Variants in EAF2 observed in about 807,000 individuals in gnomAD.
EAF2 encodes ELL associated factor 2.
In EAF2, 29 loss-of-function variants were observed where a neutral mutation model predicts 29.4. The observed-to-expected ratio is 0.99, with a 90% CI of 0.73 to 1.35. The LOEUF (loss-of-function observed/expected upper bound fraction) is 1.35, where lower values mean the gene tolerates loss of function less well. Ranked by LOEUF, EAF2 falls within the 40% of genes most tolerant of loss-of-function variation. The pLI is 0.00. For synonymous variants in EAF2, 103 were observed against 102.5 expected (o/e 1.00, Z -0.03); for missense variants, 292 against 312.0 (o/e 0.94, Z 0.48).
intron 4 of EAF2, among the ~76,000 whole-genome samples, chr3:121,867,657 A>G (rs1708949278): frequency 6.6e-6 from 1 of 152,244 alleles, no homozygotes; most frequent in East Asian, 1.9e-4. Context: ...TCATTCAGAC[A>G]GAAGAGAAAC....
chr3:121,882,560 A>T (rs1424099617), intron 5 of EAF2, among the ~76,000 whole-genome samples: 3 of 152,050 alleles, frequency 2.0e-5, no homozygotes, highest in Non-Finnish European at 4.4e-5. Flanking sequence ...ATTTGCTAGC[A>T]AATACAATAA....
intron 1 of EAF2, chr3:121,836,747 C>T: frequency 5.1e-6 from 5 of 987,618 alleles, no homozygotes; most frequent in Non-Finnish European, 6.0e-6. Flanking sequence ...TTTTTCCATG[C>T]CTTTTTCTCA....
At chr3:121,843,375 T>A (rs1458829504) in intron 1 of EAF2, among the ~76,000 whole-genome samples, 2 of 152,210 alleles carry the variant, frequency 1.3e-5, no homozygotes, top group Admixed American at 1.3e-4. Context: ...TACTTTGGAT[T>A]TAGACTTTCT....
intron 5 of EAF2, among the ~76,000 whole-genome samples, chr3:121,881,745 A>G (rs1029750983): frequency 6.6e-6 from 1 of 152,140 alleles, no homozygotes; most frequent in Admixed American, 6.5e-5. Flanking sequence ...TCCTGAGCTC[A>G]GGCAATCCAC....
In EAF2 at chr3:121,857,039, C is replaced by G. The variant is rs777157009; in HGVS notation, c.367C>G (p.Arg123Gly). 6 of 1,613,114 alleles carry G rather than the reference C, an allele frequency of 3.7e-6. No homozygotes were observed. The highest frequency in any genetic ancestry group is 1.3e-5 in the African/African-American group (1 of 74,978). The change falls in exon 4 of 6, where the codon CGT becomes GGT. Residue 123 changes from arginine to glycine, a missense_variant. Physicochemically the swap from Arg to Gly is moderately radical, Grantham distance 125. Transcript: ENST00000273668. ...TGAAGGAAGCAGTAAAATTCAGTAT[C>G]GTAAAGAACAACAGCAACAACAAAT... ...RVEGSSKIQYRKEQQQQQMWN... is the reference protein window; with the variant it reads ...RVEGSSKIQYGKEQQQQQMWN...
chr3:121,836,830 C>G (rs1405924279), intron 1 of EAF2: 3 of 971,952 alleles, frequency 3.1e-6, no homozygotes, highest in Non-Finnish European at 3.7e-6. Context: ...TTTCAAGTTA[C>G]AAGGGCTTAA....
intron 5 of EAF2, among the ~76,000 whole-genome samples, chr3:121,877,128 A>G (rs1576656921): frequency 6.6e-6 from 1 of 152,160 alleles, no homozygotes; most frequent in African/African-American, 2.4e-5. Flanking sequence ...TTGGTAAATT[A>G]TGAGAAAATG....
chr3:121,880,255 T>C (rs1709170448), intron 5 of EAF2, among the ~76,000 whole-genome samples: 1 of 151,650 alleles, frequency 6.6e-6, no homozygotes, highest in Non-Finnish European at 1.5e-5. Context: ...TGATCTTCCC[T>C]CCCCAGGCTC....
chr3:121,880,825 G>A (rs529562672), intron 5 of EAF2, among the ~76,000 whole-genome samples: 4 of 152,076 alleles, frequency 2.6e-5, no homozygotes, highest in Non-Finnish European at 4.4e-5. Flanking sequence ...AAAAGCTTTC[G>A]GCTTTTCCCC....
At chr3:121,886,305 T>C in intron 5 of EAF2, 37 bp from the exon 6 acceptor site, 2 of 1,328,730 alleles carry the variant, frequency 1.5e-6, no homozygotes, top group Non-Finnish European at 2.0e-6. Flanking sequence ...ATTAAATATT[T>C]AATTACTACA....
intron 1 of EAF2, among the ~76,000 whole-genome samples, chr3:121,843,572 G>T (rs911392619): frequency 1.3e-5 from 2 of 152,066 alleles, no homozygotes. Context: ...TTAATAAGGA[G>T]CTAATGTATA....
Position 121,872,765 on chromosome 3 carries a change from G to A in EAF2, c.713G>A (p.Ser238Asn), listed in dbSNP as rs1709038617. 6.2e-7 allele frequency: 1 copy of A among 1,611,850 alleles called. No individual in the cohort carries two copies. Among genetic ancestry groups the A allele is most frequent in the Non-Finnish European group, 8.5e-7 (1 of 1,178,728 alleles). ...DASHNRFRDN[S>N]GLLMNTLRND... ...AGTCATAATAGATTTCGAGACAACA[G>A]TGGCCTTCTGATGAATACTTTAAGT... Residue 238 changes from serine (S) to asparagine (N), a missense_variant, in exon 5 of 6, where the codon AGT (serine) becomes AAT (asparagine). Transcript: ENST00000273668.
intron 3 of EAF2, 38 bp downstream of exon 3, chr3:121,854,861 A>G (rs778746779): frequency 1.4e-5 from 21 of 1,474,440 alleles, no homozygotes; most frequent in Non-Finnish European, 1.8e-5. Flanking sequence ...TTATAAACAT[A>G]AATTTCTAAG....
chr3:121,838,040 C>T (rs1483884915), intron 1 of EAF2, among the ~76,000 whole-genome samples: 1 of 152,084 alleles, frequency 6.6e-6, no homozygotes, highest in East Asian at 1.9e-4. Context: ...TGGTTGAATT[C>T]ATTCAAATCC....
intron 4 of EAF2, among the ~76,000 whole-genome samples, chr3:121,860,436 G>A (rs913377008): frequency 2.6e-5 from 4 of 152,004 alleles, no homozygotes; most frequent in South Asian, 2.1e-4. Flanking sequence ...ATTTCTTCTC[G>A]ATTTTCTAGT....
chr3:121,866,421 T>A (rs1478567314), intron 4 of EAF2, among the ~76,000 whole-genome samples: 2 of 152,054 alleles, frequency 1.3e-5, no homozygotes, highest in Non-Finnish European at 2.9e-5. Flanking sequence ...ATATCCAAGA[T>A]ATAATAGAAA....
At chr3:121,854,298 A>G (rs2107515782) in intron 2 of EAF2, among the ~76,000 whole-genome samples, 1 of 143,936 alleles carries the variant, frequency 6.9e-6, no homozygotes, top group South Asian at 2.3e-4. Flanking sequence ...CCCGGGCAAC[A>G]GAGCAAGACT....
chr3:121,847,812 A>G, intron 2 of EAF2, among the ~76,000 whole-genome samples: 1 of 152,146 alleles, frequency 6.6e-6, no homozygotes, highest in South Asian at 2.1e-4. Flanking sequence ...TCCCTTTATG[A>G]ATGTCCTTTT....
rs1243542952 is a variant in EAF2, at chr3:121,844,449, T to C, written c.107-4T>C. Reference sequence around the variant, plus strand: ...CAAAAATTGGTATTTGTATCTATTTTTAGATGACTTCAAACCTGCTTCTAT... The same window carrying C: ...CAAAAATTGGTATTTGTATCTATTTCTAGATGACTTCAAACCTGCTTCTAT... On this transcript the variant is annotated splice_polypyrimidine_tract_variant and splice_region_variant and intron_variant, in intron 1 of 5. Coordinates refer to ENST00000273668, the MANE Select transcript of EAF2 (RefSeq NM_018456.6). 3.1e-5 allele frequency: 50 copies of C among 1,588,602 alleles called. No homozygotes were observed. Among genetic ancestry groups the C allele is most frequent in the Non-Finnish European group, 4.0e-5 (47 of 1,166,412 alleles).
Sources: allele counts gnomAD v4.1 joint callset (sites outside exome capture counted in the v4.1 genomes callset), GRCh38; gene constraint gnomAD v4.1.1; transcripts MANE v1.5; gene names NCBI Gene and HGNC (gene_info 2026-07-23, HGNC 2026-07-21).